The following SEPTIN10 variants were observed in gnomAD, a reference collection of about 807,000 sequenced individuals.
SEPTIN10 encodes the protein septin-10.
Under a neutral mutation model 54.8 loss-of-function variants are expected in SEPTIN10, and 66 were observed. That is an observed-to-expected ratio of 1.21 (90% confidence interval 0.99 to 1.48). SEPTIN10 has a LOEUF of 1.48. SEPTIN10 is among the 40% of genes most tolerant of loss of function. The pLI is 0.00. For synonymous variants in SEPTIN10, 161 were observed against 181.0 expected (o/e 0.89, Z 0.89); for missense variants, 620 against 545.6 (o/e 1.14, Z -1.36).
At chr2:109,553,308 G>T (rs1674673164) in intron 8 of SEPTIN10, 89 bp from the exon 9 acceptor site, 2 of 1,363,622 alleles carry the variant, frequency 1.5e-6, no homozygotes, top group Non-Finnish European at 2.0e-6. Flanking sequence ...ACTTTGGGAG[G>T]CCGAGGCAGG....
chr2:109,604,398 G>GAGGGGAGGGGAGGGGAGGGGCAGGA (rs1697437558), intron 1 of SEPTIN10, among the ~76,000 whole-genome samples: 1 of 119,228 alleles, frequency 8.4e-6, no homozygotes, highest in African/African-American at 3.1e-5. Flanking sequence ...GAGGGGCGGG[G>GAGGGGAGGGGAGGGGAGGGGCAGGA]CGGGGAGAAA....
At chr2:109,564,064 A>T (rs1342879567) in intron 8 of SEPTIN10, among the ~76,000 whole-genome samples, 1 of 152,260 alleles carries the variant, frequency 6.6e-6, no homozygotes, top group Non-Finnish European at 1.5e-5. Context: ...GAAATCAAAT[A>T]ATGAGGGTAT....
At chr2:109,607,293 G>A (rs1421622970) in intron 1 of SEPTIN10, among the ~76,000 whole-genome samples, 7 of 152,210 alleles carry the variant, frequency 4.6e-5, no homozygotes, top group Non-Finnish European at 8.8e-5. Flanking sequence ...GTTCTTGAAT[G>A]CCTCATTTAA....
chr2:109,547,639 C>T (rs1371473771), intron 9 of SEPTIN10, among the ~76,000 whole-genome samples: 1 of 151,992 alleles, frequency 6.6e-6, no homozygotes, highest in Non-Finnish European at 1.5e-5. Context: ...TTTTGTTCCA[C>T]AATTTAAGGA....
At chr2:109,573,604 G>A (rs1688885016) in intron 5 of SEPTIN10, among the ~76,000 whole-genome samples, 1 of 152,178 alleles carries the variant, frequency 6.6e-6, no homozygotes, top group Admixed American at 6.5e-5. Flanking sequence ...ACAGGTTTCT[G>A]CAGAGAAAGA....
chr2:109,548,820 A>G (rs1682060393), intron 9 of SEPTIN10, among the ~76,000 whole-genome samples: 1 of 149,212 alleles, frequency 6.7e-6, no homozygotes, highest in Admixed American at 6.7e-5. Flanking sequence ...TATTTGAGGA[A>G]ATATTTCACT....
chr2:109,557,370 A>C (rs1197368180), intron 8 of SEPTIN10, among the ~76,000 whole-genome samples: 1 of 152,186 alleles, frequency 6.6e-6, no homozygotes, highest in African/African-American at 2.4e-5. Context: ...CTTTATGTTG[A>C]CTATTTAATT....
intron 2 of SEPTIN10, among the ~76,000 whole-genome samples, chr2:109,592,685 C>T (rs1474986596): frequency 6.7e-6 from 1 of 149,554 alleles, no homozygotes; most frequent in Non-Finnish European, 1.5e-5. Flanking sequence ...GAGGCTGAGA[C>T]AAGAGAATCG....
intron 2 of SEPTIN10, among the ~76,000 whole-genome samples, chr2:109,586,875 T>C (rs1692681345): frequency 6.6e-6 from 1 of 152,166 alleles, no homozygotes; most frequent in Admixed American, 6.5e-5. Context: ...AGGCTCAACA[T>C]GATCAATGTG....
chr2:109,608,975 G>A (rs530456518), intron 1 of SEPTIN10, among the ~76,000 whole-genome samples: 1 of 152,324 alleles, frequency 6.6e-6, no homozygotes, highest in South Asian at 2.1e-4. Context: ...CTTGAAGAGA[G>A]GGACTCTATC....
In SEPTIN10 at chr2:109,543,482, C is replaced by T. The variant is rs969074570; in HGVS notation, c.*827G>A. The stretch of plus-strand genomic sequence containing the variant: ...CTGACACAAAAGCTTAAGATCATAT[C>T]ACCAATTGGGTAATTGTATAAAAAA... On this transcript the variant is annotated 3_prime_UTR_variant, in exon 11 of 11. Coordinates refer to ENST00000397712, the MANE Select transcript of SEPTIN10 (RefSeq NM_144710.5). The T allele has an allele frequency of 6.6e-5, 10 of 152,156 alleles. No individual in the cohort carries two copies. The highest frequency in any genetic ancestry group is 2.4e-4 in the African/African-American group (10 of 41,446). 9.4% of individuals were successfully genotyped at this position (152,156 alleles called of 1,614,324 possible).
intron 4 of SEPTIN10, among the ~76,000 whole-genome samples, chr2:109,584,008 C>G (rs6594037): frequency 0.45 from 69,037 of 151,902 alleles, 16,132 homozygotes; most frequent in African/African-American, 0.56. Flanking sequence ...GGAAGATACC[C>G]GGTAAAGGCT....
intron 8 of SEPTIN10, among the ~76,000 whole-genome samples, chr2:109,560,552 C>T (rs1194553836): frequency 1.3e-5 from 2 of 152,168 alleles, no homozygotes; most frequent in Non-Finnish European, 2.9e-5. Flanking sequence ...CATTTAAATA[C>T]CCATGACTCT....
At chr2:109,579,745 T>A (rs138615445) in intron 4 of SEPTIN10, among the ~76,000 whole-genome samples, 1 of 152,092 alleles carries the variant, frequency 6.6e-6, no homozygotes, top group Non-Finnish European at 1.5e-5. Flanking sequence ...TCTAATCTTA[T>A]GCAAATTTTT....
chr2:109,601,922 G>A (rs1406638977), intron 1 of SEPTIN10, among the ~76,000 whole-genome samples: 2 of 152,278 alleles, frequency 1.3e-5, no homozygotes, highest in South Asian at 2.1e-4. Context: ...TTAAGGGACA[G>A]CAAAGTATAT....
intron 1 of SEPTIN10, among the ~76,000 whole-genome samples, chr2:109,599,179 C>G (rs1428521178): frequency 6.6e-6 from 1 of 151,996 alleles, no homozygotes; most frequent in African/African-American, 2.4e-5. Context: ...AAGTGGAGGC[C>G]GGGCGCGGTG....
chr2:109,587,647 C>T (rs1692879281), intron 2 of SEPTIN10, among the ~76,000 whole-genome samples: 1 of 152,172 alleles, frequency 6.6e-6, no homozygotes, highest in Non-Finnish European at 1.5e-5. Flanking sequence ...GGTGTGGTGG[C>T]TCACGCCTGT....
chr2:109,613,884 TC>T lies in SEPTIN10; in HGVS notation c.-58del. 1 of 1,218,910 alleles carries T rather than the reference TC, an allele frequency of 8.2e-7. No individual in the cohort carries two copies. The highest frequency in any genetic ancestry group is 4.1e-5 in the South Asian group (1 of 24,498). 75.5% of individuals were successfully genotyped at this position (1,218,910 alleles called of 1,614,324 possible). On this transcript the variant is annotated 5_prime_UTR_variant, in exon 1 of 11. Transcript: ENST00000397712. ...TATCAGCCCGGCCCCGAGCGGCTGG[TC>T]CCGGCGACGGCGGCGGGAAGGCCGG...
intron 1 of SEPTIN10, among the ~76,000 whole-genome samples, chr2:109,604,609 C>T (rs1247780667): frequency 6.6e-6 from 1 of 151,286 alleles, no homozygotes; most frequent in Non-Finnish European, 1.5e-5. Flanking sequence ...TGCCTGTAGT[C>T]CCAGGTACTC....
Sources: allele counts gnomAD v4.1 joint callset (sites outside exome capture counted in the v4.1 genomes callset), GRCh38; gene constraint gnomAD v4.1.1; transcripts MANE v1.5; gene names NCBI Gene and HGNC (gene_info 2026-07-23, HGNC 2026-07-21).